VPS13C: variants seen among roughly 807,000 people sequenced by gnomAD.
VPS13C encodes the protein vacuolar protein sorting 13 homolog C, also known as intermembrane lipid transfer protein VPS13C.
Under a neutral mutation model 456.8 loss-of-function variants are expected in VPS13C, and 358 were observed. That is an observed-to-expected ratio of 0.78 (90% confidence interval 0.72 to 0.86). The LOEUF is 0.86. VPS13C is among the 40% of genes least tolerant of loss of function. The pLI, the probability that VPS13C is intolerant of heterozygous loss-of-function variation, is 0.00. For synonymous variants in VPS13C, 1,578 were observed against 1,486.7 expected, an observed-to-expected ratio of 1.06 and a Z score of -1.41; for missense variants, 4,818 against 4,385.4, an observed-to-expected ratio of 1.10 and a Z score of -2.79.
chr15:61,898,378 C>A (rs1202940946), intron 66 of VPS13C, among the ~76,000 whole-genome samples: 6 of 151,772 alleles, frequency 4.0e-5, no homozygotes, highest in East Asian at 2.0e-4. Context: ...CAGAGACACA[C>A]ATAGGCTCAA....
At chr15:61,912,793 T>G (rs1217713721) in intron 62 of VPS13C, among the ~76,000 whole-genome samples, 1 of 57,268 alleles carries the variant, frequency 1.7e-5, no homozygotes, top group Non-Finnish European at 3.2e-5. Context: ...CCCTCCCCCC[T>G]CCCCCCACCC....
chr15:62,041,386 T>C lies in VPS13C; in HGVS notation c.145-20A>G, dbSNP rs200831243. 6.5e-4 allele frequency: 1,043 copies of C among 1,593,290 alleles called. 16 individuals are homozygous for C. In the South Asian group the frequency reaches 0.011, roughly 17 times the overall value. On this transcript the variant is annotated intron_variant, in intron 2 of 84. Coordinates refer to ENST00000644861, the MANE Select transcript of VPS13C (RefSeq NM_020821.3). Reference sequence around the variant, plus strand: ...TTCACTCTTCAGAAGAAAGAGAAAATGTAAAGGACATCTTAAATTATGAAG... The same window carrying C: ...TTCACTCTTCAGAAGAAAGAGAAAACGTAAAGGACATCTTAAATTATGAAG...
At chr15:61,866,602 A>G in intron 81 of VPS13C, 1 of 985,108 alleles carries the variant, frequency 1.0e-6, no homozygotes, top group Non-Finnish European at 1.2e-6. Context: ...TCTCCTAGAA[A>G]ACTGCATGTG....
At chr15:61,982,740 A>AC (rs2045925166) in intron 20 of VPS13C, among the ~76,000 whole-genome samples, 167 bp from the exon 21 acceptor site, 2 of 152,216 alleles carry the variant, frequency 1.3e-5, no homozygotes, top group Non-Finnish European at 1.5e-5. Context: ...ACCTGGAGAA[A>AC]GGAAGAGCCT....
At position 61,926,338 on chromosome 15, in the gene VPS13C, T is replaced by C. The variant is rs1413255427; in HGVS notation, c.6516+753A>G. 5.3e-5 allele frequency among the ~76,000 whole-genome samples: 8 copies of C among 152,326 alleles called. No homozygotes were observed. The East Asian group carries it at 1.5e-3, about 29-fold the overall frequency. ...TTACTTGAGCCCAGTAGTTTGAGGC[T>C]GTAGTGAGCTAAGATGGCATTACTG... On this transcript the variant is annotated intron_variant, in intron 52 of 84. Transcript: ENST00000644861.
chr15:61,922,978 G>A (rs2043711751), intron 53 of VPS13C, among the ~76,000 whole-genome samples: 1 of 152,056 alleles, frequency 6.6e-6, no homozygotes, highest in Admixed American at 6.6e-5. Flanking sequence ...AAGTAATCAT[G>A]CAACACTGAC....
chr15:61,992,792 G>GA (rs954853439), intron 16 of VPS13C, among the ~76,000 whole-genome samples: 7 of 151,968 alleles, frequency 4.6e-5, no homozygotes, highest in African/African-American at 1.7e-4. Flanking sequence ...AGCTTTATGA[G>GA]AAAAAATGCC....
chr15:62,056,426 T>C (rs923154543), intron 1 of VPS13C, among the ~76,000 whole-genome samples: 1 of 152,260 alleles, frequency 6.6e-6, no homozygotes, highest in Non-Finnish European at 1.5e-5. Context: ...CCTTCTGTTA[T>C]GCCCGGACAG....
intron 42 of VPS13C, among the ~76,000 whole-genome samples, chr15:61,949,222 T>A (rs2140283759): frequency 6.6e-6 from 1 of 152,284 alleles, no homozygotes; most frequent in African/African-American, 2.4e-5. Context: ...AGCTAGACAG[T>A]GAATTGAAAT....
intron 55 of VPS13C, 49 bp downstream of exon 55, chr15:61,921,898 G>T: frequency 6.4e-7 from 1 of 1,553,090 alleles, no homozygotes; most frequent in South Asian, 1.1e-5. Flanking sequence ...AACTATGAAT[G>T]AATATGCATA....
At chr15:61,917,684 A>AC in intron 59 of VPS13C, 49 bp from the exon 60 acceptor site, 1 of 1,562,078 alleles carries the variant, frequency 6.4e-7, no homozygotes, top group Non-Finnish European at 8.7e-7. Context: ...CACAACTTAA[A>AC]AAAAAGCATC....
At chr15:61,895,506 G>C (rs1265261584) in intron 66 of VPS13C, among the ~76,000 whole-genome samples, 1 of 152,026 alleles carries the variant, frequency 6.6e-6, no homozygotes, top group Non-Finnish European at 1.5e-5. Flanking sequence ...ACATGAATAA[G>C]GAGACTTATA....
At chr15:61,939,492 C>T (rs140577208) in intron 47 of VPS13C, among the ~76,000 whole-genome samples, 42 of 152,266 alleles carry the variant, frequency 2.8e-4, no homozygotes, top group African/African-American at 9.9e-4. Context: ...CTGAAATAAT[C>T]ACAGGTATGA....
chr15:61,997,726 T>G (rs1027476338), intron 16 of VPS13C, among the ~76,000 whole-genome samples: 1 of 152,102 alleles, frequency 6.6e-6, no homozygotes, highest in Non-Finnish European at 1.5e-5. Flanking sequence ...TCAAAGTATA[T>G]CTAGAATCTG....
rs776566309 is a variant in VPS13C, at chr15:61,925,507, C to T, written c.6558G>A (p.Trp2186Ter). 1.2e-6 allele frequency: 2 copies of T among 1,603,832 alleles called. No homozygotes were observed. The highest frequency in any genetic ancestry group is 2.2e-5 in the South Asian group (2 of 89,284). The change falls in exon 53 of 85, where the codon TGG becomes TGA. Residue 2186 changes from tryptophan to a stop codon, truncating the protein, a stop_gained. Coordinates refer to ENST00000644861, the MANE Select transcript of VPS13C (RefSeq NM_020821.3). LOFTEE classifies it high-confidence loss of function. The stretch of plus-strand genomic sequence containing the variant: ...TATTTATATTTTGCTTTCCTGAAGC[C>T]CACGTACATTTTTCCATAAATAAAG... ...PCSLFMEKCT[W>*]ASGKQNINIM...
At chr15:61,931,796 G>C (rs534053949) in intron 49 of VPS13C, among the ~76,000 whole-genome samples, 1 of 151,830 alleles carries the variant, frequency 6.6e-6, no homozygotes, top group Admixed American at 6.6e-5. Context: ...TGGCCAAGCT[G>C]ATCTTGAACT....
chr15:61,895,103 T>C (rs1225639211), intron 66 of VPS13C, among the ~76,000 whole-genome samples: 1 of 152,152 alleles, frequency 6.6e-6, no homozygotes, highest in Admixed American at 6.6e-5. Context: ...ATTAAATATG[T>C]TCCTGAACAA....
chr15:61,941,292 A>G (rs954657851), intron 46 of VPS13C, among the ~76,000 whole-genome samples: 2 of 152,186 alleles, frequency 1.3e-5, no homozygotes, highest in Non-Finnish European at 2.9e-5. Flanking sequence ...TAACCAAATA[A>G]ACGCTCTTGT....
chr15:61,906,221 CT>C (rs767542497), intron 66 of VPS13C, among the ~76,000 whole-genome samples: 9 of 152,200 alleles, frequency 5.9e-5, no homozygotes, highest in Non-Finnish European at 1.3e-4. Flanking sequence ...CTTTGATCAA[CT>C]GAGTGGACAA....
Sources: gnomAD v4.1 joint callset for allele counts (sites outside exome capture counted in the v4.1 genomes callset) on GRCh38, gnomAD v4.1.1 for gene constraint, MANE v1.5 for transcripts, NCBI Gene and HGNC (gene_info 2026-07-23, HGNC 2026-07-21) for gene names.